The following PTPRK variants were observed in gnomAD, a reference collection of about 807,000 sequenced individuals.
PTPRK encodes protein tyrosine phosphatase receptor type K, also known as receptor-type tyrosine-protein phosphatase kappa.
PTPRK carries 75 observed loss-of-function variants against 178.0 expected under a neutral mutation model. That is an observed-to-expected ratio of 0.42 (90% CI 0.35 to 0.51). The LOEUF is 0.51. Ranked by LOEUF, PTPRK falls within the 20% of genes least tolerant of loss-of-function variation. The pLI is 0.02. For synonymous variants in PTPRK, 637 were observed against 620.6 expected (o/e 1.03, Z -0.39); for missense variants, 1,441 against 1,797.8 (o/e 0.80, Z 3.59).
Position 128,433,831 on chromosome 6 carries a change from T to TTTG in PTPRK, c.101-36144_101-36143insCAA, listed in dbSNP as rs201114153. Among the ~76,000 whole-genome samples the TTTG allele has an allele frequency of 6.2e-3, 939 of 151,192 alleles. 9 individuals carry two copies. Among genetic ancestry groups the TTTG allele is most frequent in the African/African-American group, 0.022 (878 of 40,776 alleles). ...CATGCCCAGCCTCTAACACTGTTTT[T>TTTG]TTTTTTTTTTTACAGACATTTATAA... On this transcript the variant is annotated intron_variant, in intron 1 of 29. Coordinates refer to ENST00000368226, the MANE Select transcript of PTPRK (RefSeq NM_002844.4).
chr6:128,150,852 T>C (rs1310326931), intron 7 of PTPRK, among the ~76,000 whole-genome samples: 1 of 152,120 alleles, frequency 6.6e-6, no homozygotes, highest in Non-Finnish European at 1.5e-5. Flanking sequence ...AGGATGAAAA[T>C]GTTCTTTTTT....
intron 13 of PTPRK, among the ~76,000 whole-genome samples, chr6:128,042,117 G>A (rs6928693): frequency 1.3e-5 from 2 of 151,726 alleles, no homozygotes; most frequent in African/African-American, 4.8e-5. Flanking sequence ...TTTAACATTC[G>A]TATTTCTAAC....
intron 3 of PTPRK, among the ~76,000 whole-genome samples, chr6:128,312,975 T>A (rs1827460429): frequency 6.6e-6 from 1 of 152,084 alleles, no homozygotes; most frequent in African/African-American, 2.4e-5. Flanking sequence ...AAAGAATAAG[T>A]CCCCTGAGAA....
At chr6:128,405,768 T>TA (rs1445841369) in intron 1 of PTPRK, among the ~76,000 whole-genome samples, 1 of 151,984 alleles carries the variant, frequency 6.6e-6, no homozygotes, top group African/African-American at 2.4e-5. Flanking sequence ...TCTTTTTTTT[T>TA]ATGAAGGGAC....
At chr6:128,503,413 G>A (rs1055659622) in intron 1 of PTPRK, among the ~76,000 whole-genome samples, 7 of 151,998 alleles carry the variant, frequency 4.6e-5, no homozygotes, top group Admixed American at 2.0e-4. Flanking sequence ...CTTTCTCCAC[G>A]TCCTGATGGC....
chr6:128,038,068 T>A (rs1017395656), intron 13 of PTPRK, among the ~76,000 whole-genome samples: 1 of 152,172 alleles, frequency 6.6e-6, no homozygotes, highest in Non-Finnish European at 1.5e-5. Flanking sequence ...GGCATCATAG[T>A]GAACACTGAA....
intron 7 of PTPRK, among the ~76,000 whole-genome samples, chr6:128,094,812 G>A (rs1170174499): frequency 6.6e-5 from 10 of 151,970 alleles, no homozygotes; most frequent in Non-Finnish European, 1.3e-4. Context: ...TCAGAGATAA[G>A]AGAAAGAAAA....
chr6:128,024,371 A>C (rs1008038869), intron 13 of PTPRK, among the ~76,000 whole-genome samples: 1 of 152,244 alleles, frequency 6.6e-6, no homozygotes, highest in Non-Finnish European at 1.5e-5. Context: ...CCATGATCTT[A>C]TGAATCAATT....
At chr6:128,229,124 T>C (rs1055282749) in intron 5 of PTPRK, among the ~76,000 whole-genome samples, 55 of 149,230 alleles carry the variant, frequency 3.7e-4, no homozygotes, top group African/African-American at 1.3e-3. Flanking sequence ...TGGGCTAATA[T>C]TGAATATTAA....
Position 128,005,095 on chromosome 6 carries a change from A to C in PTPRK, c.2483T>G (p.Phe828Cys). The C allele has an allele frequency of 1.2e-6, 2 of 1,607,704 alleles. No individual in the cohort carries two copies. The highest frequency in any genetic ancestry group is 1.7e-5 in the Admixed American group (1 of 59,518). Residue 828 changes from phenylalanine (F) to cysteine (C), a missense_variant, in exon 15 of 30, where the codon TTT becomes TGT. Physicochemically the swap from Phe to Cys is radical, Grantham distance 205. Around this residue, in one of 4 missense-constraint regions of PTPRK, gnomAD observed 945 missense variants for 1,080.6 expected, o/e 0.87. Coordinates refer to ENST00000368226, the MANE Select transcript of PTPRK (RefSeq NM_002844.4). ...LSITFMDQHNFSPRYENHSAT... is the reference protein window; with the variant it reads ...LSITFMDQHNCSPRYENHSAT... ...AATGAAAAACTTACATCTTGGACTA[A>C]AGTTATGTTGGTCCATGAAGGTGAT...
At chr6:128,168,722 C>T (rs1368851389) in intron 7 of PTPRK, among the ~76,000 whole-genome samples, 5 of 152,066 alleles carry the variant, frequency 3.3e-5, no homozygotes, top group Non-Finnish European at 7.4e-5. Context: ...CCATCCCCTG[C>T]CACCTCCTCA....
At chr6:128,394,389 G>A (rs1392202203) in intron 2 of PTPRK, among the ~76,000 whole-genome samples, 2 of 152,166 alleles carry the variant, frequency 1.3e-5, no homozygotes, top group Non-Finnish European at 2.9e-5. Context: ...TTATACCCAA[G>A]AATGGATTTG....
intron 1 of PTPRK, among the ~76,000 whole-genome samples, chr6:128,439,184 T>C (rs1296371001): frequency 6.6e-6 from 1 of 152,178 alleles, no homozygotes; most frequent in Non-Finnish European, 1.5e-5. Context: ...GATTGAACAG[T>C]TATGCATTTC....
At chr6:127,997,735 A>T (rs2114680475) in intron 16 of PTPRK, among the ~76,000 whole-genome samples, 1 of 152,182 alleles carries the variant, frequency 6.6e-6, no homozygotes, top group African/African-American at 2.4e-5. Context: ...GAATAGTCTA[A>T]TTCCTTGTAC....
chr6:128,492,344 C>A (rs990480529), intron 1 of PTPRK, among the ~76,000 whole-genome samples: 1 of 152,122 alleles, frequency 6.6e-6, no homozygotes, highest in African/African-American at 2.4e-5. Context: ...CCCAGAATAC[C>A]CCAAATCTAA....
chr6:128,169,504 T>A (rs1205664761), intron 7 of PTPRK, among the ~76,000 whole-genome samples: 2 of 152,028 alleles, frequency 1.3e-5, no homozygotes, highest in Non-Finnish European at 2.9e-5. Context: ...TTTTTACCAA[T>A]GAAATGACTT....
chr6:128,158,157 A>T (rs1798199233), intron 7 of PTPRK, among the ~76,000 whole-genome samples: 1 of 151,860 alleles, frequency 6.6e-6, no homozygotes, highest in Admixed American at 6.6e-5. Flanking sequence ...CTACATCACA[A>T]GGACAGAAAA....
chr6:128,067,361 T>C (rs1276828163), intron 12 of PTPRK, 158 bp downstream of exon 12: 2 of 693,974 alleles, frequency 2.9e-6, no homozygotes, highest in Non-Finnish European at 4.1e-6. Flanking sequence ...AGCCCTACTG[T>C]AGCCCCAAAA....
intron 7 of PTPRK, among the ~76,000 whole-genome samples, chr6:128,099,846 T>A (rs1788497821): frequency 6.6e-6 from 1 of 152,062 alleles, no homozygotes; most frequent in Non-Finnish European, 1.5e-5. Context: ...TCAATAGTTG[T>A]GAAGTCTTAT....
Sources: allele counts gnomAD v4.1 joint callset (sites outside exome capture counted in the v4.1 genomes callset), GRCh38; gene constraint gnomAD v4.1.1; regional missense constraint gnomAD v4.1.1; transcripts MANE v1.5; gene names NCBI Gene and HGNC (gene_info 2026-07-23, HGNC 2026-07-21).